PGM2: variants seen among roughly 807,000 people sequenced by gnomAD.
PGM2 encodes phosphopentomutase.
PGM2 carries 57 observed loss-of-function variants against 74.6 expected under a neutral mutation model. The ratio of observed to expected loss-of-function variants is 0.76; its 90% CI spans 0.62 to 0.95. The LOEUF (loss-of-function observed/expected upper bound fraction) is 0.95, where lower values mean the gene tolerates loss of function less well. PGM2 is among the 40% of genes least tolerant of loss of function. The pLI is 0.00. For synonymous variants in PGM2, 273 were observed against 260.7 expected, an observed-to-expected ratio of 1.05 and a Z score of -0.46; for missense variants, 706 against 741.9, an observed-to-expected ratio of 0.95 and a Z score of 0.56.
chr4:37,855,917 G>A (rs1355954217), intron 13 of PGM2, among the ~76,000 whole-genome samples, 176 bp downstream of exon 13: 3 of 152,186 alleles, frequency 2.0e-5, no homozygotes, highest in Admixed American at 2.0e-4. Flanking sequence ...CCAGGGAAAA[G>A]CTTACTTTTT....
chr4:37,854,885 ATTT>A (rs1474416442), intron 12 of PGM2, among the ~76,000 whole-genome samples: 35 of 152,170 alleles, frequency 2.3e-4, no homozygotes, highest in Non-Finnish European at 2.8e-4. Context: ...AATTTTCTTT[ATTT>A]AAAATTAATT....
In PGM2 at chr4:37,845,708, G is replaced by A. The variant is rs1156420775; in HGVS notation, c.985G>A (p.Ala329Thr). ...TAACGACCCGGATGCTGATAGACTT[G>A]CTGTGGCAGAAAAGCAAGACAGGTA... ...LANDPDADRL[A>T]VAEKQDSGEW... The change falls in exon 8 of 14, where the codon GCT becomes ACT. Residue 329 changes from alanine to threonine, a missense_variant. Transcript: ENST00000381967. 33 of 1,611,996 alleles carry A rather than the reference G, an allele frequency of 2.0e-5. No homozygotes were observed. In the East Asian group the frequency reaches 6.7e-4, roughly 33 times the overall value.
In PGM2 at chr4:37,830,090, AT is replaced by A; in HGVS notation, c.211del (p.Ser71LeufsTer3). 1 of 1,595,888 alleles carries A rather than the reference AT, an allele frequency of 6.3e-7. No individual in the cohort carries two copies. Among genetic ancestry groups the A allele is most frequent in the South Asian group, 1.1e-5 (1 of 88,204 alleles). On this transcript the variant is annotated frameshift_variant, in exon 2 of 14. Transcript: ENST00000381967. LOFTEE classifies it high-confidence loss of function. ...CCTCCGAGCTGCTATGGGACCTGGA[AT>A]TTCTCGTATGAATGACTTGACCATC... ...AGLRAAMGPG[I>X]SRMNDLTIIQ...
intron 12 of PGM2, among the ~76,000 whole-genome samples, chr4:37,852,855 T>G (rs1157388833): frequency 6.6e-6 from 1 of 152,254 alleles, no homozygotes; most frequent in East Asian, 1.9e-4. Flanking sequence ...GGTCCCTTTT[T>G]ATTCATGTTT....
At chr4:37,856,181 T>G (rs10023025) in intron 13 of PGM2, among the ~76,000 whole-genome samples, 24 of 151,248 alleles carry the variant, frequency 1.6e-4, no homozygotes, top group Admixed American at 1.5e-3. Flanking sequence ...GTCAGGAGAT[T>G]GAGACCATCC....
At chr4:37,843,159 T>C (rs1725777399) in intron 6 of PGM2, among the ~76,000 whole-genome samples, 1 of 152,238 alleles carries the variant, frequency 6.6e-6, no homozygotes, top group Non-Finnish European at 1.5e-5. Flanking sequence ...ATTACTTCTG[T>C]GTTCATCTCC....
intron 3 of PGM2, among the ~76,000 whole-genome samples, chr4:37,836,556 T>A (rs1725570701): frequency 6.6e-6 from 1 of 151,796 alleles, no homozygotes; most frequent in African/African-American, 2.4e-5. Context: ...AGAGAGAGAG[T>A]GGCGATCTGC....
At chr4:37,853,359 CTTTTTTT>C (rs11358189) in intron 12 of PGM2, among the ~76,000 whole-genome samples, 69,369 of 125,314 alleles carry the variant, frequency 0.55, 18,836 homozygotes, top group Non-Finnish European at 0.62. Context: ...GGTGATATTC[CTTTTTTT>C]TTTTTTTTTT....
chr4:37,841,037 CTA>C (rs1725702226), intron 6 of PGM2, among the ~76,000 whole-genome samples: 1 of 132,008 alleles, frequency 7.6e-6, no homozygotes, highest in African/African-American at 2.9e-5. Flanking sequence ...TGGTATTTTT[CTA>C]TCTTTCCAAA....
intron 12 of PGM2, among the ~76,000 whole-genome samples, chr4:37,852,131 CTCTTTTTTTT>C (rs1305608558): frequency 3.0e-5 from 3 of 98,822 alleles, no homozygotes; most frequent in African/African-American, 6.9e-5. Context: ...TCATGCCCAG[CTCTTTTTTTT>C]TTTTTTTTTT....
intron 7 of PGM2, among the ~76,000 whole-genome samples, chr4:37,844,975 CAAAA>C (rs35469320): frequency 1.1e-5 from 1 of 94,300 alleles, no homozygotes; most frequent in Non-Finnish European, 2.2e-5. Context: ...GACTTTGTCT[CAAAA>C]AAAAAAAAAA....
At chr4:37,836,849 A>G (rs62300669) in intron 3 of PGM2, among the ~76,000 whole-genome samples, 1 of 101,824 alleles carries the variant, frequency 9.8e-6, no homozygotes, top group South Asian at 3.0e-4. Context: ...ACCAAGATGT[A>G]TATATGTGTA....
intron 3 of PGM2, among the ~76,000 whole-genome samples, 169 bp from the exon 4 acceptor site, chr4:37,837,360 C>A (rs1725595374): frequency 2.0e-5 from 3 of 152,208 alleles, no homozygotes; most frequent in Admixed American, 2.0e-4. Flanking sequence ...TCCTGAGAGT[C>A]CTCCAGCTTT....
At chr4:37,837,469 A>G (rs867825152) in intron 3 of PGM2, 60 bp from the exon 4 acceptor site, 44 of 947,596 alleles carry the variant, frequency 4.6e-5, no homozygotes, top group Middle Eastern at 2.1e-4. Flanking sequence ...CCTTCTTTCC[A>G]TCACTCACAG....
intron 7 of PGM2, 21 bp from the exon 8 acceptor site, chr4:37,845,612 T>C: frequency 6.6e-7 from 1 of 1,513,366 alleles, no homozygotes; most frequent in Non-Finnish European, 9.2e-7. Context: ...AATAATCTTT[T>C]ATTTTCATAT....
intron 13 of PGM2, among the ~76,000 whole-genome samples, chr4:37,859,230 T>C (rs1711674349): frequency 6.6e-6 from 1 of 152,246 alleles, no homozygotes; most frequent in Non-Finnish European, 1.5e-5. Context: ...TTCATGATGC[T>C]TCACTCCTGA....
chr4:37,855,279 T>C (rs1726163206), intron 12 of PGM2, among the ~76,000 whole-genome samples: 3 of 152,158 alleles, frequency 2.0e-5, no homozygotes, highest in Admixed American at 1.3e-4. Context: ...ATTCCACATG[T>C]AGGTGAGATC....
intron 13 of PGM2, among the ~76,000 whole-genome samples, chr4:37,858,563 T>C (rs1711637028): frequency 6.6e-6 from 1 of 151,526 alleles, no homozygotes; most frequent in Non-Finnish European, 1.5e-5. Context: ...TCGGTCAGGC[T>C]GGGCTCGAAC....
chr4:37,841,100 A>ATATATATGTGTGTGTGTG (rs1202149456), intron 6 of PGM2, among the ~76,000 whole-genome samples: 1 of 115,752 alleles, frequency 8.6e-6, no homozygotes, highest in African/African-American at 3.6e-5. Context: ...ATATATATAT[A>ATATATATGTGTGTGTGTG]TGTGTGTGTG....
Sources: allele counts gnomAD v4.1 joint callset (sites outside exome capture counted in the v4.1 genomes callset), GRCh38; gene constraint gnomAD v4.1.1; transcripts MANE v1.5; gene names NCBI Gene and HGNC (gene_info 2026-07-23, HGNC 2026-07-21).